CDK13: variants seen among roughly 807,000 people sequenced by gnomAD.
CDK13 encodes the protein cyclin-dependent kinase 13.
In CDK13, 40 loss-of-function variants were observed where a neutral mutation model predicts 137.6. That is an observed-to-expected ratio of 0.29 (90% CI 0.23 to 0.38). The LOEUF (loss-of-function observed/expected upper bound fraction) is 0.38, where lower values mean the gene tolerates loss of function less well. CDK13 is among the 10% of genes least tolerant of loss of function. The probability of loss-of-function intolerance (pLI) is 1.00; values close to 1 mark genes in which losing one functional copy is unlikely to be tolerated. For synonymous variants in CDK13, 869 were observed against 760.1 expected (o/e 1.14, Z -2.36); for missense variants, 1,704 against 1,951.8 (o/e 0.87, Z 2.39).
intron 1 of CDK13, among the ~76,000 whole-genome samples, chr7:39,966,090 C>T (rs1012808854): frequency 6.6e-6 from 1 of 152,096 alleles, no homozygotes; most frequent in African/African-American, 2.4e-5. Flanking sequence ...CTGACAATTA[C>T]GTGTCTTGGA....
chr7:39,962,840 A>G (rs986713674), intron 1 of CDK13, among the ~76,000 whole-genome samples: 2 of 152,204 alleles, frequency 1.3e-5, no homozygotes, highest in African/African-American at 4.8e-5. Context: ...CTTTCTACAT[A>G]ATGCTAGCTA....
Position 40,082,881 on chromosome 7 carries a change from C to A in CDK13, c.3029+4030C>A, listed in dbSNP as rs549735397. On this transcript the variant is annotated intron_variant, in intron 11 of 13. Transcript: ENST00000181839. ...TTTGAGAGGCCAAGGCAGGTGGATC[C>A]CTTGAGCCCATGAGTTTGAGACCAA... 2.6e-5 allele frequency among the ~76,000 whole-genome samples: 4 copies of A among 151,676 alleles called. No individual in the cohort carries two copies. The South Asian group carries it at 8.3e-4, about 32-fold the overall frequency.
chr7:40,022,598 A>G (rs1308360426), intron 5 of CDK13, among the ~76,000 whole-genome samples: 2 of 152,054 alleles, frequency 1.3e-5, no homozygotes, highest in African/African-American at 4.8e-5. Context: ...ATGTTGTGTC[A>G]TAATGGCTGA....
At chr7:40,003,194 A>ACTCT (rs1368242412) in intron 5 of CDK13, among the ~76,000 whole-genome samples, 32 of 101,272 alleles carry the variant, frequency 3.2e-4, no homozygotes, top group Admixed American at 7.8e-4. Context: ...ACACACACAC[A>ACTCT]CACACACACA....
Position 39,950,606 on chromosome 7 carries a change from C to A in CDK13, c.-36C>A. On this transcript the variant is annotated 5_prime_UTR_variant, in exon 1 of 14. Coordinates refer to ENST00000181839, the MANE Select transcript of CDK13 (RefSeq NM_003718.5). ...GCCAGGATCTGACCCGGGAGGAGGC[C>A]GCACCCGCGCCGCGCTCTGCGGCTG... 1.5e-6 allele frequency: 2 copies of A among 1,290,870 alleles called. No homozygotes were observed. Among genetic ancestry groups the A allele is most frequent in the Non-Finnish European group, 2.0e-6 (2 of 1,019,896 alleles). The allele number at this position is 1,290,870 out of a possible 1,614,324, so 80.0% of individuals were successfully genotyped here.
intron 1 of CDK13, among the ~76,000 whole-genome samples, chr7:39,965,488 C>CT (rs1248588290): frequency 6.6e-6 from 1 of 152,228 alleles, no homozygotes; most frequent in East Asian, 1.9e-4. Flanking sequence ...TCCTCCATCT[C>CT]TTTATTTTGA....
chr7:40,020,179 T>A (rs1295586299), intron 5 of CDK13, among the ~76,000 whole-genome samples: 2 of 152,286 alleles, frequency 1.3e-5, no homozygotes, highest in East Asian at 3.9e-4. Context: ...GGGATTCTCC[T>A]GCTTCAGCTT....
chr7:40,006,409 T>C (rs1162278979), intron 5 of CDK13, among the ~76,000 whole-genome samples: 1 of 152,248 alleles, frequency 6.6e-6, no homozygotes, highest in Non-Finnish European at 1.5e-5. Flanking sequence ...ACATAAGCTT[T>C]TCTTTGTTAC....
intron 11 of CDK13, among the ~76,000 whole-genome samples, chr7:40,084,102 T>C (rs755382522): frequency 1.1e-4 from 17 of 152,132 alleles, no homozygotes; most frequent in Non-Finnish European, 1.9e-4. Context: ...TCCAGCACTT[T>C]GGGAGGCCGA....
intron 9 of CDK13, among the ~76,000 whole-genome samples, chr7:40,075,361 G>C (rs189531583): frequency 6.6e-6 from 1 of 151,812 alleles, no homozygotes; most frequent in African/African-American, 2.4e-5. Context: ...TCCTTGCATC[G>C]GTATGTGTAT....
chr7:40,002,599 C>T (rs940204253), intron 5 of CDK13, among the ~76,000 whole-genome samples: 2 of 152,212 alleles, frequency 1.3e-5, no homozygotes, highest in South Asian at 2.1e-4. Flanking sequence ...GTATGTTTTA[C>T]ATCTTCGTAA....
intron 2 of CDK13, among the ~76,000 whole-genome samples, chr7:39,996,879 G>A (rs1784570438): frequency 7.0e-6 from 1 of 142,314 alleles, no homozygotes; most frequent in Non-Finnish European, 1.5e-5. Flanking sequence ...CAAGATAATC[G>A]CTTGAACCCA....
chr7:40,098,982 T>G lies in CDK13; in HGVS notation c.*4002T>G, dbSNP rs1048548939. On this transcript the variant is annotated 3_prime_UTR_variant, in exon 14 of 14. Transcript: ENST00000181839. Reference sequence around the variant, plus strand: ...GTATTTTTCATTTGTTGAAAGAAGATTGGTTATCAGTAGGCTTGCAAACAT... The same window carrying G: ...GTATTTTTCATTTGTTGAAAGAAGAGTGGTTATCAGTAGGCTTGCAAACAT... The G allele has an allele frequency of 1.1e-4, 16 of 152,026 alleles. No homozygotes were observed. The highest frequency in any genetic ancestry group is 2.1e-4 in the Non-Finnish European group (14 of 67,964). 9.4% of individuals were successfully genotyped at this position (152,026 alleles called of 1,614,324 possible).
At chr7:39,960,527 G>A (rs1308002028) in intron 1 of CDK13, among the ~76,000 whole-genome samples, 1 of 151,884 alleles carries the variant, frequency 6.6e-6, no homozygotes, top group Non-Finnish European at 1.5e-5. Context: ...AAAGTGCTGG[G>A]ATTACAGGCA....
rs117406419 is a variant in CDK13 at position 40,094,446 on chromosome 7, C to T, written c.4005C>T (p.Tyr1335=). 5.6e-6 allele frequency: 9 copies of T among 1,614,006 alleles called. No individual in the cohort carries two copies. In the East Asian group the frequency reaches 2.0e-4, roughly 36 times the overall value. Residue 1335 remains tyrosine (Y), a synonymous_variant, in exon 14 of 14, where the codon TAC becomes TAT. Transcript: ENST00000181839. ...AGDTYVSTSD[Y]KDNFGSSSFS... ...ACACTTACGTGTCCACTTCAGACTA[C>T]AAGGACAACTTTGGATCCTCTTCTT...
Position 39,951,068 on chromosome 7 carries a change from C to G in CDK13, c.427C>G (p.Leu143Val), listed in dbSNP as rs1054221598. 7.8e-7 allele frequency: 1 copy of G among 1,274,298 alleles called. No homozygotes were observed. Among genetic ancestry groups the G allele is most frequent in the Admixed American group, 4.2e-5 (1 of 23,784 alleles). 78.9% of individuals were successfully genotyped at this position (1,274,298 alleles called of 1,614,324 possible). ...GASSGGGVTP[L>V]VEYEDVSSQS... ...TAGTAGCGGCGGGGGTGTGACCCCG[C>G]TGGTGGAATACGAGGATGTGAGCTC... Residue 143 changes from leucine (L) to valine (V), a missense_variant, in exon 1 of 14, where the codon CTG (leucine) becomes GTG (valine). Leu to Val is a conservative substitution (Grantham distance 32). Transcript: ENST00000181839.
intron 11 of CDK13, among the ~76,000 whole-genome samples, chr7:40,081,185 A>C (rs1311152009): frequency 1.3e-5 from 2 of 152,164 alleles, no homozygotes; most frequent in African/African-American, 4.8e-5. Flanking sequence ...TATCAGAATT[A>C]GATTAAGAGT....
At chr7:39,971,901 AAAAC>A (rs1784007279) in intron 1 of CDK13, among the ~76,000 whole-genome samples, 1 of 152,178 alleles carries the variant, frequency 6.6e-6, no homozygotes, top group Non-Finnish European at 1.5e-5. Flanking sequence ...AAAAACAAAA[AAAAC>A]AAAAAAAGGT....
chr7:40,043,837 A>T (rs1785670701), intron 5 of CDK13, among the ~76,000 whole-genome samples: 1 of 149,680 alleles, frequency 6.7e-6, no homozygotes, highest in Non-Finnish European at 1.5e-5. Flanking sequence ...GTCTCAAAAA[A>T]AAAAAAGAAA....
Sources: gnomAD v4.1 joint callset for allele counts (sites outside exome capture counted in the v4.1 genomes callset) on GRCh38, gnomAD v4.1.1 for gene constraint, MANE v1.5 for transcripts, NCBI Gene and HGNC (gene_info 2026-07-23, HGNC 2026-07-21) for gene names.